The following ADCY8 variants were observed in gnomAD, a reference collection of about 807,000 sequenced individuals.
ADCY8 encodes the protein adenylate cyclase 8.
A neutral mutation model predicts 119.7 loss-of-function variants in ADCY8; 51 were observed. That is an observed-to-expected ratio of 0.43 (90% CI 0.34 to 0.54). The LOEUF is 0.54. Among genes scored for constraint, ADCY8 ranks in the 20% least tolerant of loss-of-function variants. The pLI is 0.03. For missense variants in ADCY8, 1,383 were observed against 1,598.8 expected (o/e 0.87, Z 2.30); for synonymous variants, 665 against 651.0 (o/e 1.02, Z -0.33).
At chr8:130,835,718 A>G (rs998341441) in intron 12 of ADCY8, among the ~76,000 whole-genome samples, 2 of 152,180 alleles carry the variant, frequency 1.3e-5, no homozygotes, top group African/African-American at 4.8e-5. Context: ...ACCTATACAT[A>G]TCCCCCCCAT....
At position 130,785,409 on chromosome 8, in the gene ADCY8, C is replaced by T. The variant is rs371947731; in HGVS notation, c.3127G>A (p.Val1043Met). 46 of 1,607,980 alleles carry T rather than the reference C, an allele frequency of 2.9e-5. No homozygotes were observed. Among genetic ancestry groups the T allele is most frequent in the East Asian group, 4.5e-5 (2 of 44,294 alleles). ...IKTIGSTYMA[V>M]SGLSPEKQQC... Reference sequence around the variant, plus strand: ...TGTTTTTCAGGTGACAGGCCTGACACGGCCATGTAGGTGCTGCCAATGGTC... The same window carrying T: ...TGTTTTTCAGGTGACAGGCCTGACATGGCCATGTAGGTGCTGCCAATGGTC... The change falls in exon 16 of 18, where the codon GTG (valine) becomes ATG (methionine). Residue 1043 changes from valine (V) to methionine (M), a missense_variant. By Grantham distance (21) the Val-to-Met change is conservative. Transcript: ENST00000286355.
At chr8:130,788,460 T>G (rs1396148401) in intron 15 of ADCY8, among the ~76,000 whole-genome samples, 2 of 151,806 alleles carry the variant, frequency 1.3e-5, no homozygotes, top group African/African-American at 4.8e-5. Flanking sequence ...AAGTAGAGAG[T>G]CAATGGTGGG....
At chr8:130,983,874 A>C (rs1822314953) in intron 2 of ADCY8, among the ~76,000 whole-genome samples, 1 of 152,240 alleles carries the variant, frequency 6.6e-6, no homozygotes, top group Non-Finnish European at 1.5e-5. Context: ...AAATCATTCA[A>C]TCAAAGCAGC....
At chr8:130,813,518 C>T (rs7008910) in intron 14 of ADCY8, among the ~76,000 whole-genome samples, 3,742 of 152,208 alleles carry the variant, frequency 0.025, 150 homozygotes, top group African/African-American at 0.085. Flanking sequence ...TTTTACTTAG[C>T]GTAATGTATT....
intron 2 of ADCY8, among the ~76,000 whole-genome samples, chr8:130,974,826 A>T (rs1418644413): frequency 6.6e-6 from 1 of 152,228 alleles, no homozygotes; most frequent in Non-Finnish European, 1.5e-5. Flanking sequence ...TCTGCTTTTC[A>T]TTCCTGGCAA....
chr8:130,991,466 T>C (rs1310104406), intron 1 of ADCY8, among the ~76,000 whole-genome samples: 1 of 152,174 alleles, frequency 6.6e-6, no homozygotes, highest in Non-Finnish European at 1.5e-5. Flanking sequence ...GAACCACATA[T>C]GCATAGGGAA....
chr8:130,951,737 G>T, intron 3 of ADCY8, 131 bp downstream of exon 3: 2 of 1,068,296 alleles, frequency 1.9e-6, no homozygotes, highest in Non-Finnish European at 2.7e-6. Flanking sequence ...TAATCACTAG[G>T]TAATGAATTA....
intron 2 of ADCY8, among the ~76,000 whole-genome samples, chr8:130,985,221 A>T (rs1026904785): frequency 4.6e-5 from 7 of 152,194 alleles, no homozygotes; most frequent in African/African-American, 1.7e-4. Context: ...GCAAGGGTAT[A>T]GCAGAATATA....
intron 1 of ADCY8, among the ~76,000 whole-genome samples, chr8:131,031,853 T>G (rs1824007633): frequency 6.6e-6 from 1 of 152,220 alleles, no homozygotes; most frequent in South Asian, 2.1e-4. Context: ...GTTAGATTTT[T>G]TTTTTGTGCT....
intron 7 of ADCY8, among the ~76,000 whole-genome samples, chr8:130,894,789 G>A (rs968059384): frequency 3.3e-5 from 5 of 152,180 alleles, no homozygotes; most frequent in African/African-American, 1.2e-4. Context: ...ACCTTAGAAT[G>A]GGAAGACCCT....
intron 5 of ADCY8, among the ~76,000 whole-genome samples, chr8:130,923,472 A>G (rs892170898): frequency 1.3e-5 from 2 of 152,246 alleles, no homozygotes; most frequent in African/African-American, 4.8e-5. Context: ...TTGGGGACAA[A>G]CCAGTTACTA....
chr8:131,029,612 T>C (rs1823933793), intron 1 of ADCY8, among the ~76,000 whole-genome samples: 1 of 152,178 alleles, frequency 6.6e-6, no homozygotes, highest in Non-Finnish European at 1.5e-5. Context: ...CCATGAATAA[T>C]TCAGGCCCAT....
At chr8:130,934,551 C>T (rs886285816) in intron 5 of ADCY8, among the ~76,000 whole-genome samples, 3 of 152,230 alleles carry the variant, frequency 2.0e-5, no homozygotes, top group Admixed American at 1.3e-4. Context: ...AACACAAATC[C>T]GAACCATATC....
At chr8:130,971,270 A>G (rs555519872) in intron 2 of ADCY8, among the ~76,000 whole-genome samples, 11 of 152,182 alleles carry the variant, frequency 7.2e-5, no homozygotes, top group African/African-American at 2.7e-4. Context: ...TAGATTATTT[A>G]TAAGTCAAAG....
intron 9 of ADCY8, among the ~76,000 whole-genome samples, chr8:130,863,535 T>C (rs1254489007): frequency 1.3e-5 from 2 of 152,146 alleles, no homozygotes; most frequent in East Asian, 1.9e-4. Context: ...ATTTATTCTT[T>C]GTTTGTTCAC....
chr8:130,937,925 G>A (rs1013262304), intron 4 of ADCY8, among the ~76,000 whole-genome samples: 4 of 152,146 alleles, frequency 2.6e-5, no homozygotes, highest in African/African-American at 9.7e-5. Context: ...TTTCACCGGT[G>A]AGAAGTAGTT....
At chr8:130,900,200 G>A (rs1819549255) in intron 7 of ADCY8, among the ~76,000 whole-genome samples, 1 of 152,170 alleles carries the variant, frequency 6.6e-6, no homozygotes, top group African/African-American at 2.4e-5. Flanking sequence ...ATACCAGAAT[G>A]GGGTCAAACC....
chr8:130,847,316 A>G, intron 11 of ADCY8, 108 bp downstream of exon 11: 1 of 714,414 alleles, frequency 1.4e-6, no homozygotes. Context: ...GAAGGAAAAC[A>G]GGCCTCTTGA....
At chr8:131,011,347 G>A (rs1434517717) in intron 1 of ADCY8, among the ~76,000 whole-genome samples, 1 of 152,130 alleles carries the variant, frequency 6.6e-6, no homozygotes, top group African/African-American at 2.4e-5. Flanking sequence ...GAAGACCAGA[G>A]TGAATACCGA....
Sources: gnomAD v4.1 joint callset for allele counts (sites outside exome capture counted in the v4.1 genomes callset) on GRCh38, gnomAD v4.1.1 for gene constraint, MANE v1.5 for transcripts, NCBI Gene and HGNC (gene_info 2026-07-23, HGNC 2026-07-21) for gene names.